Variants in OCA2 observed in about 807,000 individuals in gnomAD.
The protein encoded by OCA2 is P protein.
In OCA2, 77 loss-of-function variants were observed where a neutral mutation model predicts 100.2. The ratio of observed to expected loss-of-function variants is 0.77; its 90% CI spans 0.64 to 0.93. The LOEUF (loss-of-function observed/expected upper bound fraction) is 0.93. OCA2 is among the 40% of genes least tolerant of loss of function. The pLI is 0.00. For synonymous variants in OCA2, 432 were observed against 439.2 expected (o/e 0.98, Z 0.21); for missense variants, 1,062 against 1,089.1 (o/e 0.98, Z 0.35).
chr15:28,094,705 C>T (rs1241427647), intron 1 of OCA2, among the ~76,000 whole-genome samples: 1 of 152,240 alleles, frequency 6.6e-6, no homozygotes, highest in East Asian at 1.9e-4. Context: ...CGAACTCGGG[C>T]CCTGCGAGGT....
intron 23 of OCA2, among the ~76,000 whole-genome samples, chr15:27,770,434 G>C (rs977823037): frequency 1.3e-5 from 2 of 152,338 alleles, no homozygotes; most frequent in East Asian, 1.9e-4. Context: ...ATTGCCGCCT[G>C]TCTGCTCTCC....
intron 2 of OCA2, among the ~76,000 whole-genome samples, chr15:28,044,561 A>T (rs939230503): frequency 6.6e-6 from 1 of 152,218 alleles, no homozygotes; most frequent in Non-Finnish European, 1.5e-5. Context: ...CAGGCATCTG[A>T]ACAAGTCATG....
intron 15 of OCA2, among the ~76,000 whole-genome samples, chr15:27,962,662 CA>C (rs1312066307): frequency 6.6e-6 from 1 of 151,278 alleles, no homozygotes; most frequent in African/African-American, 2.4e-5. Context: ...GAATTAAAGC[CA>C]AAAAAAGTAA....
At chr15:27,783,924 A>G (rs1233153396) in intron 23 of OCA2, among the ~76,000 whole-genome samples, 3 of 152,220 alleles carry the variant, frequency 2.0e-5, no homozygotes, top group Admixed American at 2.0e-4. Context: ...ATGAAAACCC[A>G]CTGCCTCCAG....
chr15:28,060,634 GA>G (rs2043844857), intron 2 of OCA2, among the ~76,000 whole-genome samples: 1 of 152,200 alleles, frequency 6.6e-6, no homozygotes, highest in Non-Finnish European at 1.5e-5. Context: ...CAGAACTTTG[GA>G]AGTTAACAAA....
chr15:27,955,209 G>A lies in OCA2; in HGVS notation c.1791C>T (p.Ile597=). Residue 597 remains isoleucine (I), a synonymous_variant, in exon 17 of 24, where the codon ATC becomes ATT. Coordinates refer to ENST00000354638, the MANE Select transcript of OCA2 (RefSeq NM_000275.3). ...TCTCCCAATTTTTGTCCTCCTGTGA[G>A]ATCTGTCTAAAAGAGAAAAGAAGAG... ...ARRLHTFHRQ[I]SQEDKNWETN... is the part of the protein sequence containing the mutation. 6.2e-7 allele frequency: 1 copy of A among 1,610,050 alleles called. No individual in the cohort carries two copies. Among genetic ancestry groups the A allele is most frequent in the Non-Finnish European group, 8.5e-7 (1 of 1,176,234 alleles).
intron 22 of OCA2, among the ~76,000 whole-genome samples, chr15:27,847,188 T>C (rs143871721): frequency 1.2e-4 from 19 of 152,350 alleles, no homozygotes; most frequent in African/African-American, 4.3e-4. Flanking sequence ...GCCCTGTTTC[T>C]TTAAAGAATG....
intron 19 of OCA2, among the ~76,000 whole-genome samples, chr15:27,903,318 C>T (rs2038036802): frequency 6.6e-6 from 1 of 152,196 alleles, no homozygotes; most frequent in Admixed American, 6.5e-5. Flanking sequence ...GGTGCTTCCG[C>T]GGGCCCACAG....
intron 9 of OCA2, among the ~76,000 whole-genome samples, chr15:27,995,279 G>A (rs1057393285): frequency 6.6e-6 from 1 of 152,118 alleles, no homozygotes; most frequent in Non-Finnish European, 1.5e-5. Flanking sequence ...GACATAGACC[G>A]AACTTTCCAC....
chr15:28,032,085 C>A lies in OCA2; in HGVS notation c.306G>T (p.Arg102Ser). The A allele has an allele frequency of 6.2e-7, 1 of 1,613,678 alleles. No homozygotes were observed. The highest frequency in any genetic ancestry group is 1.1e-5 in the South Asian group (1 of 91,062). Reference sequence around the variant, plus strand: ...CTCACCCTTTCTCCTGTAAGGAATTCCTCAGCAAAGGAGTGTTTTCTGTAA... The same window carrying A: ...CTCACCCTTTCTCCTGTAAGGAATTACTCAGCAAAGGAGTGTTTTCTGTAA... ...SCFTENTPLL[R>S]NSLQEKGSRC... is the part of the protein sequence containing the mutation. Residue 102 changes from arginine to serine, a missense_variant, in exon 3 of 24, where the codon AGG (arginine) becomes AGT (serine). Transcript: ENST00000354638.
chr15:27,974,725 G>A (rs184200158), intron 14 of OCA2, among the ~76,000 whole-genome samples: 10 of 152,256 alleles, frequency 6.6e-5, no homozygotes, highest in Admixed American at 3.3e-4. Context: ...CCAAGATCAC[G>A]CTACTGCACT....
intron 2 of OCA2, among the ~76,000 whole-genome samples, chr15:28,036,260 C>T (rs1211116622): frequency 1.3e-5 from 2 of 152,118 alleles, no homozygotes; most frequent in Non-Finnish European, 2.9e-5. Context: ...TGGTAGATAA[C>T]TCTTTGTGTG....
At chr15:27,726,872 T>A in the OCA2 span, among the ~76,000 whole-genome samples, 17 of 152,216 alleles carry the variant, frequency 1.1e-4, no homozygotes, top group Non-Finnish European at 2.2e-4. Context: ...TGGATCTCCA[T>A]TACATGCAGG....
At chr15:27,887,214 G>T (rs765774975) in intron 19 of OCA2, among the ~76,000 whole-genome samples, 27 of 152,158 alleles carry the variant, frequency 1.8e-4, no homozygotes, top group Non-Finnish European at 4.4e-5. Flanking sequence ...AAATTGCCCA[G>T]TCTGGGGTAT....
chr15:27,769,123 C>A (rs553446897), intron 23 of OCA2, among the ~76,000 whole-genome samples: 1 of 152,292 alleles, frequency 6.6e-6, no homozygotes, highest in African/African-American at 2.4e-5. Context: ...CAATCTCAAC[C>A]AAAAGCTCAG....
intron 21 of OCA2, among the ~76,000 whole-genome samples, chr15:27,860,649 T>C (rs2151448195): frequency 6.6e-6 from 1 of 152,372 alleles, no homozygotes; most frequent in African/African-American, 2.4e-5. Flanking sequence ...TTTATGACTG[T>C]GTGGTATTCC....
At chr15:27,780,499 G>T (rs1014977636) in intron 23 of OCA2, among the ~76,000 whole-genome samples, 13 of 152,212 alleles carry the variant, frequency 8.5e-5, no homozygotes, top group Non-Finnish European at 1.6e-4. Flanking sequence ...AGAGGCTCAT[G>T]CCTGCCTGTC....
chr15:28,018,668 A>C, intron 6 of OCA2, 111 bp from the exon 7 acceptor site: 1 of 1,028,176 alleles, frequency 9.7e-7, no homozygotes. Context: ...GCGTTTCCCC[A>C]GGTGCCCCAC....
chr15:27,747,831 T>C, the OCA2 span, among the ~76,000 whole-genome samples: 1 of 152,198 alleles, frequency 6.6e-6, no homozygotes, highest in African/African-American at 2.4e-5. Context: ...AAGATGACAT[T>C]TCCAGAAAGT....
Sources: allele counts gnomAD v4.1 joint callset (sites outside exome capture counted in the v4.1 genomes callset), GRCh38; gene constraint gnomAD v4.1.1; transcripts MANE v1.5; gene names NCBI Gene and HGNC (gene_info 2026-07-23, HGNC 2026-07-21).